The following TENM3 variants were observed in gnomAD, a reference collection of about 807,000 sequenced individuals.
TENM3 encodes teneurin-3.
A neutral mutation model predicts 255.1 loss-of-function variants in TENM3; 63 were observed. That is an observed-to-expected ratio of 0.25 (90% confidence interval 0.20 to 0.30). TENM3 has a LOEUF of 0.30. Ranked by LOEUF, TENM3 falls within the 10% of genes least tolerant of loss-of-function variation. The probability of loss-of-function intolerance (pLI) is 1.00; values close to 1 mark genes in which losing one functional copy is unlikely to be tolerated. For missense variants in TENM3, 2,929 were observed against 3,461.1 expected (o/e 0.85, Z 3.86); for synonymous variants, 1,306 against 1,322.3 (o/e 0.99, Z 0.27).
intron 4 of TENM3, among the ~76,000 whole-genome samples, chr4:182,616,620 A>T (rs1749561651): frequency 6.7e-6 from 1 of 148,974 alleles, no homozygotes; most frequent in Non-Finnish European, 1.5e-5. Context: ...CACCTTTTGC[A>T]AGTTTCTGCA....
At chr4:181,604,221 C>T in the TENM3 span, among the ~76,000 whole-genome samples, 7 of 152,060 alleles carry the variant, frequency 4.6e-5, no homozygotes, top group Admixed American at 2.0e-4. Context: ...GCCGAGATCG[C>T]GCCACAGCAC....
At chr4:181,559,192 A>G in the TENM3 span, among the ~76,000 whole-genome samples, 1 of 152,216 alleles carries the variant, frequency 6.6e-6, no homozygotes, top group Non-Finnish European at 1.5e-5. Flanking sequence ...ACGAAGGGAA[A>G]AACATAAGGA....
At chr4:182,571,764 T>G (rs1222542829) in intron 3 of TENM3, among the ~76,000 whole-genome samples, 1 of 152,166 alleles carries the variant, frequency 6.6e-6, no homozygotes, top group Non-Finnish European at 1.5e-5. Context: ...ACTTTAAGAA[T>G]GTAGATTTTT....
chr4:182,431,385 T>C (rs1053886976), intron 3 of TENM3, among the ~76,000 whole-genome samples: 1 of 151,932 alleles, frequency 6.6e-6, no homozygotes, highest in African/African-American at 2.4e-5. Context: ...TCCCAGCTAC[T>C]CAGGAGGCTG....
the TENM3 span, among the ~76,000 whole-genome samples, chr4:181,892,174 C>G: frequency 2.6e-5 from 4 of 152,190 alleles, no homozygotes; most frequent in African/African-American, 9.7e-5. Flanking sequence ...GACTAAGACA[C>G]TTCCTACTTC....
intron 22 of TENM3, among the ~76,000 whole-genome samples, chr4:182,768,082 T>A (rs1436992981): frequency 2.0e-5 from 3 of 152,206 alleles, no homozygotes; most frequent in East Asian, 3.9e-4. Flanking sequence ...AATTCTGGAC[T>A]GACAATCCAC....
intron 5 of TENM3, among the ~76,000 whole-genome samples, chr4:182,637,199 A>G (rs1581175725): frequency 6.6e-6 from 1 of 152,244 alleles, no homozygotes; most frequent in African/African-American, 2.4e-5. Flanking sequence ...CATGGAAACT[A>G]TATCAAACAA....
the TENM3 span, among the ~76,000 whole-genome samples, chr4:181,978,665 G>A: frequency 1.4e-4 from 19 of 140,524 alleles, no homozygotes; most frequent in Admixed American, 8.5e-4. Context: ...AAAAAGAAAA[G>A]AAAAGAAAAA....
the TENM3 span, among the ~76,000 whole-genome samples, chr4:182,120,748 G>A: frequency 0.012 from 1,902 of 152,220 alleles, 21 homozygotes; most frequent in Non-Finnish European, 0.016. Flanking sequence ...TTCTGAGCAA[G>A]TGAATAGCCA....
At chr4:182,578,808 C>A (rs747749133) in intron 3 of TENM3, among the ~76,000 whole-genome samples, 1 of 152,166 alleles carries the variant, frequency 6.6e-6, no homozygotes, top group Non-Finnish European at 1.5e-5. Flanking sequence ...CTTTATCTAT[C>A]CAGAACTCTC....
At chr4:182,756,329 A>G (rs1464328515) in intron 22 of TENM3, among the ~76,000 whole-genome samples, 1 of 152,162 alleles carries the variant, frequency 6.6e-6, no homozygotes, top group Non-Finnish European at 1.5e-5. Context: ...AAGAGATAGC[A>G]TGGAGTGGTG....
chr4:182,056,938 G>A, the TENM3 span, among the ~76,000 whole-genome samples: 1 of 151,834 alleles, frequency 6.6e-6, no homozygotes, highest in Non-Finnish European at 1.5e-5. Flanking sequence ...CAGAGTGAAA[G>A]AATATGTTCA....
the TENM3 span, among the ~76,000 whole-genome samples, chr4:181,496,409 T>C: frequency 6.6e-6 from 1 of 152,234 alleles, no homozygotes; most frequent in African/African-American, 2.4e-5. Flanking sequence ...TGTACACATA[T>C]ATCTGTACAT....
At chr4:182,788,494 C>G (rs1445032376) in intron 24 of TENM3, among the ~76,000 whole-genome samples, 4 of 152,202 alleles carry the variant, frequency 2.6e-5, no homozygotes, top group Non-Finnish European at 4.4e-5. Flanking sequence ...GTAAAGGACT[C>G]TGAAGTCCCT....
intron 12 of TENM3, chr4:182,708,023 G>A (rs1424511645): frequency 6.7e-6 from 1 of 148,450 alleles, no homozygotes; most frequent in African/African-American, 2.5e-5. Flanking sequence ...AAATCTCCAA[G>A]AGACGACATT....
rs923270848 is a variant in TENM3 at position 182,608,057 on chromosome 4, G to T, written c.749+6896G>T. ...TCTCTTCCTCTCGAGCAACTGTTTT[G>T]TGAGGCTTTTTAAAAATACCATTCA... On this transcript the variant is annotated intron_variant, in intron 4 of 27. Coordinates refer to ENST00000511685, the MANE Select transcript of TENM3 (RefSeq NM_001080477.4). 7.2e-5 allele frequency among the ~76,000 whole-genome samples: 11 copies of T among 152,248 alleles called. No individual in the cohort carries two copies. The South Asian group carries it at 2.3e-3, about 32-fold the overall frequency.
chr4:182,644,847 T>A (rs1189449144), intron 5 of TENM3, among the ~76,000 whole-genome samples: 2 of 152,124 alleles, frequency 1.3e-5, no homozygotes, highest in African/African-American at 4.8e-5. Flanking sequence ...TAGAGTAGCC[T>A]ATTTGGCTGT....
the TENM3 span, among the ~76,000 whole-genome samples, chr4:181,724,872 T>C: frequency 7.6e-4 from 115 of 152,198 alleles, no homozygotes; most frequent in Non-Finnish European, 1.2e-3. Context: ...AAATTCTCTA[T>C]TATTGTTCTG....
the TENM3 span, among the ~76,000 whole-genome samples, chr4:181,978,365 G>A: frequency 6.6e-6 from 1 of 152,004 alleles, no homozygotes; most frequent in African/African-American, 2.4e-5. Context: ...AGAGCAAAAG[G>A]GGGCTGGGCG....
Sources: allele counts gnomAD v4.1 joint callset (sites outside exome capture counted in the v4.1 genomes callset), GRCh38; gene constraint gnomAD v4.1.1; transcripts MANE v1.5; gene names NCBI Gene and HGNC (gene_info 2026-07-23, HGNC 2026-07-21).